SMCO2: variants seen among roughly 807,000 people sequenced by gnomAD.
The protein encoded by SMCO2 is single-pass membrane protein with coiled-coil domains 2.
In SMCO2, 25 loss-of-function variants were observed where a neutral mutation model predicts 29.5. The observed-to-expected ratio is 0.85, with a 90% CI of 0.62 to 1.18. SMCO2 has a LOEUF of 1.18. Ranked by LOEUF, SMCO2 falls within the 50% of genes most tolerant of loss-of-function variation. The pLI is 0.00. For missense variants in SMCO2, 348 were observed against 344.5 expected (o/e 1.01, Z -0.08); for synonymous variants, 117 against 123.3 (o/e 0.95, Z 0.34).
chr12:27,456,260 A>G, the SMCO2 span, among the ~76,000 whole-genome samples: 1 of 152,250 alleles, frequency 6.6e-6, no homozygotes, highest in African/African-American at 2.4e-5. Context: ...TATAAAAGAC[A>G]TTATATGTAT....
chr12:27,463,419 C>A (rs1477656615), upstream of SMCO2, among the ~76,000 whole-genome samples: 2 of 152,120 alleles, frequency 1.3e-5, no homozygotes, highest in Admixed American at 6.5e-5. Context: ...TGCCCACCAC[C>A]ACGTCCGGCT....
the SMCO2 span, among the ~76,000 whole-genome samples, chr12:27,449,643 A>G: frequency 6.6e-6 from 1 of 152,228 alleles, no homozygotes; most frequent in Non-Finnish European, 1.5e-5. Context: ...TTTAGTTCTC[A>G]TCTGGTCCCT....
At chr12:27,438,850 A>G in the SMCO2 span, among the ~76,000 whole-genome samples, 1 of 151,344 alleles carries the variant, frequency 6.6e-6, no homozygotes, top group African/African-American at 2.4e-5. Context: ...GAGCTCAAGT[A>G]TGAGGATGAG....
At chr12:27,478,464 T>C (rs145750912) in intron 4 of SMCO2, among the ~76,000 whole-genome samples, 115 of 152,300 alleles carry the variant, frequency 7.6e-4, no homozygotes, top group African/African-American at 2.6e-3. Context: ...CCCTGGGCAC[T>C]GTGTGTGGCA....
chr12:27,471,120 T>C (rs559248595), intron 2 of SMCO2, among the ~76,000 whole-genome samples: 12 of 152,284 alleles, frequency 7.9e-5, no homozygotes, highest in African/African-American at 2.6e-4. Flanking sequence ...TAAACACATA[T>C]ATACATTTGC....
At chr12:27,485,491 C>T (rs923197777) in intron 4 of SMCO2, among the ~76,000 whole-genome samples, 1 of 147,700 alleles carries the variant, frequency 6.8e-6, no homozygotes, top group Admixed American at 6.7e-5. Context: ...ACTCTGTCAC[C>T]TAGGCTGGAG....
chr12:27,431,078 C>T, the SMCO2 span, among the ~76,000 whole-genome samples: 2 of 151,614 alleles, frequency 1.3e-5, no homozygotes, highest in East Asian at 1.9e-4. Context: ...TGCAGTGGTG[C>T]GATCTCAGCT....
the SMCO2 span, among the ~76,000 whole-genome samples, chr12:27,434,314 G>A: frequency 6.6e-6 from 1 of 152,154 alleles, no homozygotes; most frequent in Non-Finnish European, 1.5e-5. Flanking sequence ...CCCTCTACGT[G>A]ATTCCGAGAC....
intron 4 of SMCO2, among the ~76,000 whole-genome samples, chr12:27,478,779 C>CAG (rs539705662): frequency 0.12 from 18,222 of 152,084 alleles, 2,086 homozygotes; most frequent in African/African-American, 0.28. Flanking sequence ...GTGTTGGTAC[C>CAG]CTGAAGGCAG....
chr12:27,434,807 G>A, the SMCO2 span, among the ~76,000 whole-genome samples: 112,527 of 151,960 alleles, frequency 0.74, 42,123 homozygotes, highest in Middle Eastern at 0.9. Flanking sequence ...CAAATAAGAG[G>A]GCATGTTTGC....
At chr12:27,423,667 A>G in the SMCO2 span, 1 of 152,156 alleles carries the variant, frequency 6.6e-6, no homozygotes, top group Non-Finnish European at 1.5e-5. Context: ...TTACCACTAC[A>G]GTAATGTAGT....
intron 7 of SMCO2, among the ~76,000 whole-genome samples, chr12:27,499,854 C>T (rs1048113707): frequency 2.0e-5 from 3 of 150,552 alleles, no homozygotes; most frequent in South Asian, 2.1e-4. Context: ...CATTATGAAT[C>T]GATTTTTGCT....
At chr12:27,498,140 C>T in intron 7 of SMCO2, 1 of 360,044 alleles carries the variant, frequency 2.8e-6, no homozygotes, top group East Asian at 7.1e-5. Flanking sequence ...TGAACTTTCC[C>T]ATAACCGGTT....
chr12:27,484,979 G>A (rs914887353), intron 4 of SMCO2, among the ~76,000 whole-genome samples: 4 of 150,500 alleles, frequency 2.7e-5, no homozygotes, highest in African/African-American at 9.7e-5. Flanking sequence ...TTATGGCTCT[G>A]CAAGTTTGTA....
the SMCO2 span, among the ~76,000 whole-genome samples, chr12:27,439,826 A>G: frequency 1.3e-5 from 2 of 152,186 alleles, no homozygotes; most frequent in East Asian, 3.8e-4. Flanking sequence ...AACAAGGAAC[A>G]AAGACCACCT....
rs910803104 is a variant in SMCO2 at position 27,501,547 on chromosome 12, A to G, written c.684-376A>G. Among the ~76,000 whole-genome samples, 14 of 150,292 alleles carry G rather than the reference A, an allele frequency of 9.3e-5. 2 individuals are homozygous for G. The highest frequency in any genetic ancestry group is 3.5e-4 in the African/African-American group (14 of 40,048). On this transcript the variant is annotated intron_variant, in intron 7 of 7. Transcript: ENST00000298876. ...CTCTGAATTCCCTTTATCACGTTAT[A>G]CTTTGTGTCCTGGGGAAAATCTAAC...
the SMCO2 span, among the ~76,000 whole-genome samples, chr12:27,457,880 GATGTTTT>G: frequency 1.3e-5 from 2 of 152,216 alleles, no homozygotes; most frequent in Non-Finnish European, 2.9e-5. Flanking sequence ...TAGGATGGTT[GATGTTTT>G]AGCTGGAAAA....
intron 2 of SMCO2, 21 bp from the exon 3 acceptor site, chr12:27,472,755 T>C (rs1338026749): frequency 3.2e-6 from 5 of 1,542,994 alleles, no homozygotes; most frequent in Admixed American, 3.9e-5. Context: ...ACAGCCTCTG[T>C]TTGGATTGTG....
intron 1 of SMCO2, among the ~76,000 whole-genome samples, chr12:27,467,714 G>T (rs1168662572): frequency 6.6e-6 from 1 of 152,106 alleles, no homozygotes; most frequent in African/African-American, 2.4e-5. Context: ...AGAATTTGCA[G>T]GTTTCCATGC....
Sources: gnomAD v4.1 joint callset for allele counts (sites outside exome capture counted in the v4.1 genomes callset) on GRCh38, gnomAD v4.1.1 for gene constraint, MANE v1.5 for transcripts, NCBI Gene and HGNC (gene_info 2026-07-23, HGNC 2026-07-21) for gene names.